Variants in DDC observed in about 807,000 individuals in gnomAD.
The protein encoded by DDC is aromatic-L-amino-acid decarboxylase.
DDC carries 43 observed loss-of-function variants against 60.0 expected under a neutral mutation model. The observed-to-expected ratio is 0.72, with a 90% CI of 0.56 to 0.92. The LOEUF is 0.92. DDC is among the 40% of genes least tolerant of loss of function. The pLI is 0.00. For synonymous variants in DDC, 232 were observed against 234.6 expected (o/e 0.99, Z 0.10); for missense variants, 573 against 620.2 (o/e 0.92, Z 0.81).
intron 2 of DDC, 29 bp from the exon 3 acceptor site, chr7:50,540,057 G>C: frequency 6.4e-7 from 1 of 1,572,726 alleles, no homozygotes; most frequent in Non-Finnish European, 8.7e-7. Context: ...CAGCTGCTGA[G>C]GAGTGAGGAA....
chr7:50,553,484 CTT>C (rs5884158), intron 1 of DDC, among the ~76,000 whole-genome samples: 1,819 of 90,872 alleles, frequency 0.02, 16 homozygotes, highest in African/African-American at 0.055. Context: ...TCTTTCTTTT[CTT>C]TTTTTTTTTT....
chr7:50,476,609 G>A lies in DDC; in HGVS notation c.1041+15C>T, dbSNP rs776935059. The A allele has an allele frequency of 4.4e-6, 7 of 1,609,078 alleles. No homozygotes were observed. In the African/African-American group the frequency reaches 9.4e-5, roughly 22 times the overall value. On this transcript the variant is annotated intron_variant, in intron 11 of 14. Coordinates refer to ENST00000444124, the MANE Select transcript of DDC (RefSeq NM_001082971.2). Reference sequence around the variant, plus strand: ...TCCACTAGCATTTGAGATTACAGTGGAATCTCCCACTTACCCGGTAGTCAG... The same window carrying A: ...TCCACTAGCATTTGAGATTACAGTGAAATCTCCCACTTACCCGGTAGTCAG...
At position 50,550,456 on chromosome 7, in the gene DDC, C is replaced by A. The variant is rs113051571; in HGVS notation, c.-28-6343G>T. ...ACCTGGAACTGAATTTGCAATATTT[C>A]TGAGGTGTGAACACCGAAAATTTGA... On this transcript the variant is annotated intron_variant, in intron 1 of 14. Transcript: ENST00000444124. Among the ~76,000 whole-genome samples the A allele has an allele frequency of 1.8e-3, 269 of 152,288 alleles. 3 individuals carry two copies. The highest frequency in any genetic ancestry group is 6.1e-3 in the African/African-American group (255 of 41,542).
intron 1 of DDC, among the ~76,000 whole-genome samples, chr7:50,559,156 A>C (rs1431645003): frequency 6.6e-6 from 1 of 152,170 alleles, no homozygotes; most frequent in Non-Finnish European, 1.5e-5. Flanking sequence ...GATCCCCTTT[A>C]CAGCAATGCG....
At chr7:50,525,398 T>C (rs2044010444) in intron 6 of DDC, among the ~76,000 whole-genome samples, 1 of 152,184 alleles carries the variant, frequency 6.6e-6, no homozygotes. Context: ...TAGGGGAAAT[T>C]GGGTGAAGGG....
intron 14 of DDC, among the ~76,000 whole-genome samples, chr7:50,462,034 T>G (rs185021755): frequency 3.9e-4 from 59 of 152,142 alleles, no homozygotes; most frequent in Non-Finnish European, 2.4e-4. Flanking sequence ...TTTTCAGATA[T>G]TCACAATTAA....
chr7:50,525,820 C>G (rs965277515), intron 6 of DDC, among the ~76,000 whole-genome samples: 2 of 151,386 alleles, frequency 1.3e-5, no homozygotes, highest in African/African-American at 4.9e-5. Context: ...GAATTATGAG[C>G]ATGACATATT....
chr7:50,560,714 T>C (rs2045324359), intron 1 of DDC, among the ~76,000 whole-genome samples: 1 of 152,182 alleles, frequency 6.6e-6, no homozygotes, highest in Non-Finnish European at 1.5e-5. Flanking sequence ...GCTCTAGGAA[T>C]GTGGCCTAAA....
chr7:50,493,062 C>T, intron 9 of DDC: 3 of 1,465,830 alleles, frequency 2.0e-6, no homozygotes, highest in African/African-American at 1.4e-5. Context: ...CAATATTTGC[C>T]TCCAAGATTA....
At chr7:50,488,862 T>A (rs1038570592) in intron 9 of DDC, among the ~76,000 whole-genome samples, 2 of 152,242 alleles carry the variant, frequency 1.3e-5, no homozygotes, top group Non-Finnish European at 2.9e-5. Context: ...TCTCTCCCCT[T>A]CAAGAGGGCC....
chr7:50,502,256 A>G (rs923145725), intron 7 of DDC, among the ~76,000 whole-genome samples: 1 of 152,082 alleles, frequency 6.6e-6, no homozygotes. Flanking sequence ...TACAAAGAAG[A>G]GGGGGCCCCA....
chr7:50,529,081 C>T lies in DDC; in HGVS notation c.570+127G>A. The stretch of plus-strand genomic sequence containing the variant: ...CACCCCTTCCCTGTAGTTCAGGTCT[C>T]TATTTAGTGATACCTGAGGAACTGT... On this transcript the variant is annotated intron_variant, in intron 5 of 14. Transcript: ENST00000444124. 3 of 1,272,020 alleles carry T rather than the reference C, an allele frequency of 2.4e-6. No individual in the cohort carries two copies. In the South Asian group the frequency reaches 3.6e-5, roughly 15 times the overall value. 78.8% of individuals were successfully genotyped at this position (1,272,020 alleles called of 1,614,324 possible). A position where few individuals can be genotyped will look rare whatever the true frequency, so the allele number is the denominator to read the frequency against.
intron 6 of DDC, among the ~76,000 whole-genome samples, chr7:50,526,551 G>A (rs1303952974): frequency 2.6e-5 from 4 of 152,130 alleles, no homozygotes; most frequent in African/African-American, 7.2e-5. Context: ...CAAGAACATA[G>A]AGAAAAGCAA....
At chr7:50,545,172 T>A (rs978700655) in intron 1 of DDC, among the ~76,000 whole-genome samples, 1 of 152,212 alleles carries the variant, frequency 6.6e-6, no homozygotes, top group Non-Finnish European at 1.5e-5. Flanking sequence ...AGGTAGTGTG[T>A]CCCTTTGTTC....
chr7:50,556,095 C>T (rs1328810683), intron 1 of DDC, among the ~76,000 whole-genome samples: 2 of 152,182 alleles, frequency 1.3e-5, no homozygotes, highest in African/African-American at 2.4e-5. Flanking sequence ...AGATCATGTT[C>T]GTTACAAATG....
chr7:50,503,988 C>T lies in DDC; in HGVS notation c.781+5G>A. On this transcript the variant is annotated splice_donor_5th_base_variant and intron_variant, in intron 7 of 14. Coordinates refer to ENST00000444124, the MANE Select transcript of DDC (RefSeq NM_001082971.2). ...TCCAAAAAGAAAATGGAATCGGATACTTACAGATAGGACCGACTTCTAAGA... is the reference window on the plus strand; with the variant it reads ...TCCAAAAAGAAAATGGAATCGGATATTTACAGATAGGACCGACTTCTAAGA... 1 of 1,610,154 alleles carries T rather than the reference C, an allele frequency of 6.2e-7. No individual in the cohort carries two copies. The highest frequency in any genetic ancestry group is 1.1e-5 in the South Asian group (1 of 91,020).
chr7:50,497,039 G>T (rs1258748756), intron 8 of DDC, among the ~76,000 whole-genome samples: 6 of 152,196 alleles, frequency 3.9e-5, no homozygotes, highest in Admixed American at 3.9e-4. Context: ...TGTTTGCTAG[G>T]AGTCTTATGA....
chr7:50,495,297 CT>C, intron 9 of DDC, 52 bp downstream of exon 9: 1 of 1,404,866 alleles, frequency 7.1e-7, no homozygotes, highest in Non-Finnish European at 1.0e-6. Flanking sequence ...CTGCCAGCTT[CT>C]TTCACTGTCA....
chr7:50,508,399 A>C (rs1307583744), intron 6 of DDC, among the ~76,000 whole-genome samples: 1 of 152,220 alleles, frequency 6.6e-6, no homozygotes, highest in African/African-American at 2.4e-5. Flanking sequence ...GTCTTCCTGC[A>C]GTGGCAGAGC....
Sources: allele counts gnomAD v4.1 joint callset (sites outside exome capture counted in the v4.1 genomes callset), GRCh38; gene constraint gnomAD v4.1.1; transcripts MANE v1.5; gene names NCBI Gene and HGNC (gene_info 2026-07-23, HGNC 2026-07-21).